SCAI: variants seen among roughly 807,000 people sequenced by gnomAD.
SCAI encodes protein SCAI.
SCAI carries 24 observed loss-of-function variants against 92.2 expected under a neutral mutation model. The observed-to-expected ratio is 0.26, with a 90% CI of 0.19 to 0.37. The LOEUF (loss-of-function observed/expected upper bound fraction) is 0.37. Among genes scored for constraint, SCAI ranks in the 10% least tolerant of loss-of-function variants. The probability of loss-of-function intolerance (pLI) is 1.00; values close to 1 mark genes in which losing one functional copy is unlikely to be tolerated. For synonymous variants in SCAI, 261 were observed against 258.6 expected (o/e 1.01, Z -0.09); for missense variants, 450 against 736.2 (o/e 0.61, Z 4.50).
chr9:124,999,912 T>G lies in SCAI; in HGVS notation c.1223A>C (p.Gln408Pro), dbSNP rs1342875555. 1.3e-6 allele frequency: 2 copies of G among 1,580,738 alleles called. No homozygotes were observed. Among genetic ancestry groups the G allele is most frequent in the East Asian group, 4.6e-5 (2 of 43,954 alleles). ...ATACCAGTGCATTTCCTTGTGGGAC[T>G]GATTTCGTTTGTGGATGGCATCTCC... ...INGDAIHKRN[Q>P]SHKEMHCLHP... The change falls in exon 13 of 18, where the codon CAG (glutamine) becomes CCG (proline). Residue 408 changes from glutamine to proline, a missense_variant. This residue lies in a region of SCAI where 360 missense variants were observed against 601.8 expected (regional missense o/e 0.60). Transcript: ENST00000336505.
intron 14 of SCAI, among the ~76,000 whole-genome samples, chr9:124,987,358 A>G (rs1832017206): frequency 6.6e-6 from 1 of 151,964 alleles, no homozygotes; most frequent in Non-Finnish European, 1.5e-5. Flanking sequence ...AACTCCTACT[A>G]AATACTACAT....
chr9:125,116,771 A>G lies in SCAI; in HGVS notation c.98+25862T>C, dbSNP rs372182671. The stretch of plus-strand genomic sequence containing the variant: ...CCTGACCTATCTAGATGCTTTAAAA[A>G]TATCTGTTGAAAAAATCATTGTTTT... On this transcript the variant is annotated intron_variant, in intron 2 of 17. Transcript: ENST00000336505. Among the ~76,000 whole-genome samples the G allele has an allele frequency of 9.9e-5, 15 of 152,266 alleles. 1 individual carries two copies. In the South Asian group the frequency reaches 2.9e-3, roughly 29 times the overall value.
intron 2 of SCAI, among the ~76,000 whole-genome samples, chr9:125,118,456 A>G (rs1835095102): frequency 6.6e-6 from 1 of 152,122 alleles, no homozygotes; most frequent in Admixed American, 6.6e-5. Context: ...GTTTAGGACT[A>G]CAGTGAGCTA....
intron 2 of SCAI, among the ~76,000 whole-genome samples, chr9:125,109,221 G>T (rs560919853): frequency 6.6e-6 from 1 of 152,060 alleles, no homozygotes; most frequent in African/African-American, 2.4e-5. Context: ...CAAACACTGC[G>T]GAAGGCCGCA....
intron 2 of SCAI, among the ~76,000 whole-genome samples, chr9:125,097,496 T>G (rs1430321580): frequency 6.6e-6 from 1 of 152,094 alleles, no homozygotes; most frequent in Non-Finnish European, 1.5e-5. Flanking sequence ...TTCTAGTTCT[T>G]TGAACTCCCC....
chr9:125,106,093 T>G, intron 2 of SCAI, among the ~76,000 whole-genome samples: 1 of 20,996 alleles, frequency 4.8e-5, no homozygotes, highest in East Asian at 3.1e-3. Context: ...TGAGACTCCA[T>G]CTCAAAAAAA....
At chr9:125,069,053 C>G (rs1390753166) in intron 2 of SCAI, among the ~76,000 whole-genome samples, 2 of 151,624 alleles carry the variant, frequency 1.3e-5, no homozygotes, top group East Asian at 3.9e-4. Flanking sequence ...CCTGTCTCTA[C>G]TAAAAATACA....
intron 2 of SCAI, among the ~76,000 whole-genome samples, chr9:125,063,180 T>C (rs1833809514): frequency 6.8e-6 from 1 of 147,068 alleles, no homozygotes; most frequent in African/African-American, 2.5e-5. Flanking sequence ...GAGGCTGAGG[T>C]GGGCGGATCA....
intron 17 of SCAI, among the ~76,000 whole-genome samples, chr9:124,963,469 G>A (rs1027565000): frequency 3.9e-5 from 6 of 151,934 alleles, no homozygotes; most frequent in Admixed American, 3.9e-4. Context: ...ATTGGCCAGG[G>A]CTGAGCACGG....
intron 2 of SCAI, among the ~76,000 whole-genome samples, chr9:125,069,308 T>C (rs1833931649): frequency 6.6e-6 from 1 of 151,980 alleles, no homozygotes; most frequent in Non-Finnish European, 1.5e-5. Context: ...GGGATCATTT[T>C]GTTATGAGCT....
chr9:125,047,962 T>G (rs1365771169), intron 3 of SCAI, among the ~76,000 whole-genome samples: 1 of 152,140 alleles, frequency 6.6e-6, no homozygotes, highest in East Asian at 1.9e-4. Flanking sequence ...AAATTTCTAT[T>G]AGTCATTGAT....
intron 9 of SCAI, among the ~76,000 whole-genome samples, chr9:125,007,291 C>G (rs1171048262): frequency 6.6e-6 from 1 of 152,046 alleles, no homozygotes; most frequent in Non-Finnish European, 1.5e-5. Flanking sequence ...GTATAGTTAG[C>G]AGAAAAGGAC....
intron 5 of SCAI, among the ~76,000 whole-genome samples, chr9:125,027,568 G>C (rs959269934): frequency 2.0e-5 from 3 of 152,000 alleles, no homozygotes; most frequent in Non-Finnish European, 4.4e-5. Flanking sequence ...TGCCCAGGCT[G>C]GAGTGCCAAT....
In SCAI at chr9:125,114,045, A is replaced by G. The variant is rs567668036; in HGVS notation, c.98+28588T>C. Among the ~76,000 whole-genome samples, 4 of 152,316 alleles carry G rather than the reference A, an allele frequency of 2.6e-5. No individual in the cohort carries two copies. The East Asian group carries it at 7.7e-4, about 29-fold the overall frequency. On this transcript the variant is annotated intron_variant, in intron 2 of 17. Transcript: ENST00000336505. ...TTAATATTCCAAGGCAATGGTTCCC[A>G]AACTGTGTGCTCAGGTGCCTTGGGG...
intron 2 of SCAI, among the ~76,000 whole-genome samples, chr9:125,083,406 T>C (rs1834260896): frequency 6.6e-6 from 1 of 151,468 alleles, no homozygotes. Context: ...TAATCCCAGC[T>C]GCTCCAGAGG....
At chr9:124,989,322 A>G (rs1832065850) in intron 14 of SCAI, among the ~76,000 whole-genome samples, 2 of 152,004 alleles carry the variant, frequency 1.3e-5, no homozygotes, top group Admixed American at 1.3e-4. Flanking sequence ...GCTCAGGCTG[A>G]GCATGGTGGC....
At chr9:125,066,388 C>A (rs1456893671) in intron 2 of SCAI, among the ~76,000 whole-genome samples, 2 of 152,164 alleles carry the variant, frequency 1.3e-5, no homozygotes, top group Non-Finnish European at 2.9e-5. Context: ...AACTTCCAGT[C>A]CTGCAGGCTC....
At chr9:125,053,744 A>G (rs1274902207) in intron 3 of SCAI, among the ~76,000 whole-genome samples, 2 of 152,228 alleles carry the variant, frequency 1.3e-5, no homozygotes, top group African/African-American at 4.8e-5. Context: ...CCGTACTAAC[A>G]GCTGCACAAC....
chr9:125,010,002 G>T (rs1832597258), intron 9 of SCAI, among the ~76,000 whole-genome samples: 1 of 152,174 alleles, frequency 6.6e-6, no homozygotes, highest in Non-Finnish European at 1.5e-5. Context: ...AGACCATTCT[G>T]GTTAACACGG....
Sources: gnomAD v4.1 joint callset for allele counts (sites outside exome capture counted in the v4.1 genomes callset) on GRCh38, gnomAD v4.1.1 for gene constraint, gnomAD v4.1.1 regional missense constraint, MANE v1.5 for transcripts, NCBI Gene and HGNC (gene_info 2026-07-23, HGNC 2026-07-21) for gene names.